Variants in SCN11A observed in about 807,000 individuals in gnomAD.
SCN11A encodes the protein sodium voltage-gated channel alpha subunit 11.
In SCN11A, 122 loss-of-function variants were observed where a neutral mutation model predicts 162.2. That is an observed-to-expected ratio of 0.75 (90% CI 0.65 to 0.87). SCN11A has a LOEUF of 0.87. Ranked by LOEUF, SCN11A falls within the 40% of genes least tolerant of loss-of-function variation. SCN11A has a pLI of 0.00. For synonymous variants in SCN11A, 758 were observed against 751.5 expected, an observed-to-expected ratio of 1.01 and a Z score of -0.14; for missense variants, 2,015 against 2,181.6, an observed-to-expected ratio of 0.92 and a Z score of 1.52.
intron 2 of SCN11A, among the ~76,000 whole-genome samples, chr3:38,994,577 T>C (rs1032344610): frequency 6.6e-6 from 1 of 152,144 alleles, no homozygotes; most frequent in Non-Finnish European, 1.5e-5. Context: ...GAGATAAGCA[T>C]GTAGGTTTAC....
chr3:38,999,462 C>T (rs1238819655), intron 2 of SCN11A, among the ~76,000 whole-genome samples: 2 of 152,142 alleles, frequency 1.3e-5, no homozygotes, highest in Non-Finnish European at 2.9e-5. Flanking sequence ...CTCTCCTAAC[C>T]CTTTGAATTT....
chr3:39,045,109 A>C (rs554458798), intron 1 of SCN11A, among the ~76,000 whole-genome samples: 35 of 152,306 alleles, frequency 2.3e-4, no homozygotes, highest in African/African-American at 7.9e-4. Flanking sequence ...AGAAATAGAA[A>C]ACCTGAACAA....
intron 21 of SCN11A, among the ~76,000 whole-genome samples, chr3:38,884,240 C>T (rs2065358074): frequency 6.6e-6 from 1 of 151,996 alleles, no homozygotes; most frequent in African/African-American, 2.4e-5. Flanking sequence ...TTTTATCCCA[C>T]TCCTCCCTTC....
intron 2 of SCN11A, among the ~76,000 whole-genome samples, chr3:38,995,603 T>C (rs939617651): frequency 6.6e-6 from 1 of 152,172 alleles, no homozygotes; most frequent in African/African-American, 2.4e-5. Flanking sequence ...CCTTCCCACC[T>C]GCCTGTTTGA....
At chr3:38,963,863 T>A (rs2066763655) in intron 2 of SCN11A, among the ~76,000 whole-genome samples, 1 of 152,158 alleles carries the variant, frequency 6.6e-6, no homozygotes, top group Non-Finnish European at 1.5e-5. Context: ...TGTACCCCAA[T>A]AACTTACAGA....
intron 10 of SCN11A, 39 bp downstream of exon 10, chr3:38,921,037 T>C (rs780703050): frequency 7.5e-6 from 12 of 1,589,598 alleles, no homozygotes; most frequent in Non-Finnish European, 1.0e-5. Context: ...AAGTTAACCA[T>C]GCAAAAACCA....
intron 2 of SCN11A, among the ~76,000 whole-genome samples, chr3:39,011,304 T>C (rs2031126951): frequency 6.6e-6 from 1 of 152,206 alleles, no homozygotes; most frequent in Non-Finnish European, 1.5e-5. Flanking sequence ...TTAAAGGCCA[T>C]AGGTGGATTC....
Position 38,874,155 on chromosome 3 carries a change from C to G in SCN11A, c.3394-1861G>C, listed in dbSNP as rs566121439. Among the ~76,000 whole-genome samples the G allele has an allele frequency of 2.6e-5, 4 of 152,208 alleles. No individual in the cohort carries two copies. The East Asian group carries it at 7.7e-4, about 29-fold the overall frequency. ...TTACTTAATATAGTGCGAAATATTC[C>G]CTACAGTGGCTGTACCAATTAAATT... is the stretch of plus-strand genomic sequence containing the variant. On this transcript the variant is annotated intron_variant, in intron 23 of 29. Coordinates refer to ENST00000302328, the MANE Select transcript of SCN11A (RefSeq NM_001349253.2).
Position 38,847,029 on chromosome 3 carries a change from G to A in SCN11A, c.5041C>T (p.His1681Tyr). 1 of 1,614,012 alleles carries A rather than the reference G, an allele frequency of 6.2e-7. No individual in the cohort carries two copies. Among genetic ancestry groups the A allele is most frequent in the East Asian group, 2.2e-5 (1 of 44,880 alleles). Residue 1681 changes from histidine (H) to tyrosine (Y), a missense_variant, in exon 30 of 30, where the codon CAC becomes TAC. Coordinates refer to ENST00000302328, the MANE Select transcript of SCN11A (RefSeq NM_001349253.2). Reference sequence around the variant, plus strand: ...AAGGCGAAAAGAATATCCATGCAGTGGAGGCGATCTTCACTCACCATGGGC... The same window carrying A: ...AAGGCGAAAAGAATATCCATGCAGTAGAGGCGATCTTCACTCACCATGGGC... ...DLPMVSEDRLHCMDILFAFTA... is the reference protein window; with the variant it reads ...DLPMVSEDRLYCMDILFAFTA...
intron 22 of SCN11A, 86 bp downstream of exon 22, chr3:38,883,147 T>G (rs1352708812): frequency 1.6e-6 from 2 of 1,227,144 alleles, no homozygotes; most frequent in African/African-American, 1.5e-5. Context: ...TCTCCCATAT[T>G]CACAGTCCCA....
In SCN11A at chr3:38,945,621, T is replaced by A. The variant is rs183493923; in HGVS notation, c.387-109A>T. 1.5e-4 allele frequency: 90 copies of A among 609,128 alleles called. No individual in the cohort carries two copies. In the East Asian group the frequency reaches 2.3e-3, roughly 15 times the overall value. The allele number at this position is 609,128 out of a possible 1,614,324, so 37.7% of individuals were successfully genotyped here. A position where few individuals can be genotyped will look rare whatever the true frequency, so the allele number is the denominator to read the frequency against. ...GTCCCCTTTTCTGCAGGTGCATCTATCTTCTGACTGTGAATGTTGGATGAG... is the reference window on the plus strand; with the variant it reads ...GTCCCCTTTTCTGCAGGTGCATCTAACTTCTGACTGTGAATGTTGGATGAG... On this transcript the variant is annotated intron_variant, in intron 6 of 29. Transcript: ENST00000302328.
Position 38,847,097 on chromosome 3 carries a change from C to T in SCN11A, c.4973G>A (p.Arg1658His), listed in dbSNP as rs141457896. 325 of 1,614,152 alleles carry T rather than the reference C, an allele frequency of 2.0e-4. 1 individual carries two copies. Among genetic ancestry groups the T allele is most frequent in the Admixed American group, 6.5e-4 (39 of 60,022 alleles). ...TTGATATTTATTTGGCTTTGCGACA[C>T]GCAAAGGCTCAGGCAAGGCATCAGC... is the stretch of plus-strand genomic sequence containing the variant. ...DFADALPEPL[R>H]VAKPNKYQFL... Residue 1658 changes from arginine to histidine, a missense_variant, in exon 30 of 30, where the codon CGT becomes CAT. Transcript: ENST00000302328.
At chr3:39,029,119 C>G (rs1335482267) in intron 2 of SCN11A, among the ~76,000 whole-genome samples, 1 of 152,074 alleles carries the variant, frequency 6.6e-6, no homozygotes, top group Admixed American at 6.6e-5. Context: ...TTTAAGTCAA[C>G]TGTTAATATA....
chr3:39,014,648 C>T (rs1218585737), intron 2 of SCN11A, among the ~76,000 whole-genome samples: 1 of 152,128 alleles, frequency 6.6e-6, no homozygotes, highest in Non-Finnish European at 1.5e-5. Context: ...CCTTGCTGTA[C>T]TTATTTATGG....
chr3:38,908,657 T>TG lies in SCN11A; in HGVS notation c.1299+339_1299+340insC, dbSNP rs573212205. ...GGCGCCGAACACAAACATCTCCAGATTTCCAAAAGAAAGCCTGGAGCACAG... is the reference window on the plus strand; with the variant it reads ...GGCGCCGAACACAAACATCTCCAGATGTTCCAAAAGAAAGCCTGGAGCACAG... On this transcript the variant is annotated intron_variant, in intron 13 of 29. Transcript: ENST00000302328. 3.8e-3 allele frequency among the ~76,000 whole-genome samples: 571 copies of TG among 152,264 alleles called. 2 individuals carry two copies. Among genetic ancestry groups the TG allele is most frequent in the Non-Finnish European group, 5.7e-3 (390 of 68,012 alleles).
At chr3:38,874,489 T>G (rs1317931053) in intron 23 of SCN11A, among the ~76,000 whole-genome samples, 1 of 152,072 alleles carries the variant, frequency 6.6e-6, no homozygotes, top group Non-Finnish European at 1.5e-5. Flanking sequence ...TCCCAGCTAC[T>G]TAGGAGTCTG....
chr3:38,945,699 G>A (rs528989525), intron 6 of SCN11A, among the ~76,000 whole-genome samples, 187 bp from the exon 7 acceptor site: 1 of 152,216 alleles, frequency 6.6e-6, no homozygotes, highest in Non-Finnish European at 1.5e-5. Flanking sequence ...CTGAATGGCA[G>A]CCTCCTCACT....
intron 7 of SCN11A, among the ~76,000 whole-genome samples, chr3:38,930,402 T>C (rs760969902): frequency 6.6e-6 from 1 of 152,210 alleles, no homozygotes; most frequent in Non-Finnish European, 1.5e-5. Flanking sequence ...TCCTAAAATA[T>C]GTGTGTGTGA....
At chr3:38,926,658 A>G in intron 8 of SCN11A, 145 bp downstream of exon 8, 1 of 804,030 alleles carries the variant, frequency 1.2e-6, no homozygotes, top group Non-Finnish European at 2.0e-6. Flanking sequence ...CGTGCTGTTC[A>G]GGGCCAACCA....
Sources: allele counts gnomAD v4.1 joint callset (sites outside exome capture counted in the v4.1 genomes callset), GRCh38; gene constraint gnomAD v4.1.1; transcripts MANE v1.5; gene names NCBI Gene and HGNC (gene_info 2026-07-23, HGNC 2026-07-21).